NMNAT2: variants seen among roughly 807,000 people sequenced by gnomAD.
NMNAT2 encodes nicotinamide/nicotinic acid mononucleotide adenylyltransferase 2.
In NMNAT2, 11 loss-of-function variants were observed where a neutral mutation model predicts 41.6. That is an observed-to-expected ratio of 0.26 (90% CI 0.17 to 0.44). The LOEUF (loss-of-function observed/expected upper bound fraction) is 0.44, where lower values mean the gene tolerates loss of function less well. Ranked by LOEUF, NMNAT2 falls within the 20% of genes least tolerant of loss-of-function variation. The pLI, the probability that NMNAT2 is intolerant of heterozygous loss-of-function variation, is 1.00. For synonymous variants in NMNAT2, 148 were observed against 151.2 expected, an observed-to-expected ratio of 0.98 and a Z score of 0.16; for missense variants, 288 against 407.7, an observed-to-expected ratio of 0.71 and a Z score of 2.53.
chr1:183,370,844 G>A (rs1571624053), intron 1 of NMNAT2, among the ~76,000 whole-genome samples: 1 of 152,176 alleles, frequency 6.6e-6, no homozygotes, highest in Non-Finnish European at 1.5e-5. Flanking sequence ...TTGACTGGCG[G>A]GCAGATTGGA....
intron 8 of NMNAT2, among the ~76,000 whole-genome samples, chr1:183,265,663 A>G (rs1220643019): frequency 1.3e-5 from 2 of 152,120 alleles, no homozygotes; most frequent in African/African-American, 4.8e-5. Context: ...AAGTTAGTCC[A>G]ATGGACTCTA....
rs552042361 is a variant in NMNAT2 at position 183,295,357 on chromosome 1, A to C, written c.86-1564T>G. Among the ~76,000 whole-genome samples, 6 of 152,240 alleles carry C rather than the reference A, an allele frequency of 3.9e-5. No homozygotes were observed. The South Asian group carries it at 1.0e-3, about 26-fold the overall frequency. ...AGATTAAAAAAAAAATGAATAGACT[A>C]TTTGTAACACCGTTTTAGATTTACA... On this transcript the variant is annotated intron_variant, in intron 1 of 10. Coordinates refer to ENST00000287713, the MANE Select transcript of NMNAT2 (RefSeq NM_015039.4).
intron 8 of NMNAT2, among the ~76,000 whole-genome samples, chr1:183,273,876 TTCC>T (rs1661056751): frequency 9.5e-6 from 1 of 104,810 alleles, no homozygotes; most frequent in African/African-American, 3.8e-5. Context: ...CCTTCCTTCC[TTCC>T]TTCCTTCCTT....
At chr1:183,255,905 C>A (rs886227399) in intron 10 of NMNAT2, among the ~76,000 whole-genome samples, 1 of 151,848 alleles carries the variant, frequency 6.6e-6, no homozygotes, top group East Asian at 2.0e-4. Flanking sequence ...CTCAAGTGAT[C>A]CACCTGCCTC....
At chr1:183,414,102 T>C (rs1311250805) in intron 1 of NMNAT2, among the ~76,000 whole-genome samples, 5 of 152,182 alleles carry the variant, frequency 3.3e-5, no homozygotes, top group Non-Finnish European at 7.4e-5. Context: ...TGCTAGACTT[T>C]GGTAATTTTT....
chr1:183,291,404 G>T (rs1289200973), intron 3 of NMNAT2, among the ~76,000 whole-genome samples: 1 of 152,132 alleles, frequency 6.6e-6, no homozygotes, highest in Non-Finnish European at 1.5e-5. Flanking sequence ...CCTGTGCCCT[G>T]GGAGCGCACC....
At chr1:183,398,968 T>C (rs1227469624) in intron 1 of NMNAT2, among the ~76,000 whole-genome samples, 5 of 152,234 alleles carry the variant, frequency 3.3e-5, no homozygotes, top group Non-Finnish European at 4.4e-5. Flanking sequence ...AGGAAAGATC[T>C]AAAATTGACA....
chr1:183,372,930 C>A (rs1272390236), intron 1 of NMNAT2, among the ~76,000 whole-genome samples: 3 of 152,208 alleles, frequency 2.0e-5, no homozygotes, highest in African/African-American at 7.2e-5. Flanking sequence ...TCCATGGATT[C>A]TTCTTGTGAA....
chr1:183,251,490 TC>T lies in NMNAT2; in HGVS notation c.*1150del, dbSNP rs1208942042. ...CAAAGACCTCCAGGGTTGAGTGGAC[TC>T]CTAGTGTTTTTTTGTTTTGTTTTGT... On this transcript the variant is annotated 3_prime_UTR_variant, in exon 11 of 11. Coordinates refer to ENST00000287713, the MANE Select transcript of NMNAT2 (RefSeq NM_015039.4). 1 of 152,328 alleles carries T rather than the reference TC, an allele frequency of 6.6e-6. No individual in the cohort carries two copies. The highest frequency in any genetic ancestry group is 2.4e-5 in the African/African-American group (1 of 41,456). The allele number at this position is 152,328 out of a possible 1,614,324, so 9.4% of individuals were successfully genotyped here.
In NMNAT2 at chr1:183,338,553, T is replaced by C. The variant is rs145879423; in HGVS notation, c.86-44760A>G. On this transcript the variant is annotated intron_variant, in intron 1 of 10. Coordinates refer to ENST00000287713, the MANE Select transcript of NMNAT2 (RefSeq NM_015039.4). ...TCTGATGACTCACACGGTCTTATGA[T>C]AATCAAATGAAATAAGGTTTGAGAA... 1.4e-3 allele frequency among the ~76,000 whole-genome samples: 209 copies of C among 152,310 alleles called. 2 individuals carry two copies. The East Asian group carries it at 0.032, about 24-fold the overall frequency.
At chr1:183,404,289 C>T (rs1019342613) in intron 1 of NMNAT2, among the ~76,000 whole-genome samples, 1 of 152,074 alleles carries the variant, frequency 6.6e-6, no homozygotes, top group African/African-American at 2.4e-5. Context: ...GGGGTTTCAC[C>T]ATGTTGGCCA....
chr1:183,363,463 C>A (rs896996408), intron 1 of NMNAT2, among the ~76,000 whole-genome samples: 4 of 152,050 alleles, frequency 2.6e-5, no homozygotes, highest in African/African-American at 9.7e-5. Flanking sequence ...CCTTAGGAAG[C>A]TGTATTTGAT....
intron 1 of NMNAT2, among the ~76,000 whole-genome samples, chr1:183,387,286 G>T (rs1571632052): frequency 6.9e-6 from 1 of 145,254 alleles, no homozygotes. Flanking sequence ...AATGACCCTT[G>T]ATTTGGAATA....
At chr1:183,295,846 T>G (rs1661676320) in intron 1 of NMNAT2, among the ~76,000 whole-genome samples, 1 of 152,134 alleles carries the variant, frequency 6.6e-6, no homozygotes, top group Non-Finnish European at 1.5e-5. Flanking sequence ...GCTCGATAGC[T>G]CATTTCTTTC....
intron 7 of NMNAT2, among the ~76,000 whole-genome samples, chr1:183,279,452 A>G (rs954512841): frequency 1.3e-5 from 2 of 152,176 alleles, no homozygotes; most frequent in African/African-American, 4.8e-5. Flanking sequence ...CCTCTCATCA[A>G]GAGGCCGAGG....
intron 1 of NMNAT2, among the ~76,000 whole-genome samples, chr1:183,366,654 G>A (rs903061521): frequency 1.3e-5 from 2 of 152,126 alleles, no homozygotes; most frequent in Middle Eastern, 3.2e-3. Context: ...AGATGGGGAG[G>A]AGTCTGATGT....
chr1:183,320,331 G>A (rs765052452), intron 1 of NMNAT2, among the ~76,000 whole-genome samples: 3 of 152,172 alleles, frequency 2.0e-5, no homozygotes, highest in African/African-American at 4.8e-5. Context: ...GGCCAGGCAC[G>A]GTGGCTCACG....
chr1:183,336,775 T>C (rs1358894131), intron 1 of NMNAT2, among the ~76,000 whole-genome samples: 1 of 152,228 alleles, frequency 6.6e-6, no homozygotes, highest in African/African-American at 2.4e-5. Flanking sequence ...CTAGCAGTTG[T>C]GTTTACAATA....
intron 1 of NMNAT2, among the ~76,000 whole-genome samples, chr1:183,339,844 G>A (rs1050356014): frequency 3.9e-5 from 6 of 152,136 alleles, no homozygotes; most frequent in African/African-American, 1.4e-4. Context: ...GGTCCTGAAG[G>A]AGCTATGTCT....
Sources: allele counts gnomAD v4.1 joint callset (sites outside exome capture counted in the v4.1 genomes callset), GRCh38; gene constraint gnomAD v4.1.1; transcripts MANE v1.5; gene names NCBI Gene and HGNC (gene_info 2026-07-23, HGNC 2026-07-21).